Variants in NANP observed in about 807,000 individuals in gnomAD.
The protein encoded by NANP is N-acylneuraminate-9-phosphatase.
Under a neutral mutation model 16.9 loss-of-function variants are expected in NANP, and 15 were observed. That is an observed-to-expected ratio of 0.89 (90% CI 0.59 to 1.37). NANP has a LOEUF of 1.37. Ranked by LOEUF, NANP falls within the 40% of genes most tolerant of loss-of-function variation. NANP has a pLI of 0.00. For missense variants in NANP, 290 were observed against 303.5 expected, an observed-to-expected ratio of 0.96 and a Z score of 0.33; for synonymous variants, 135 against 112.6, an observed-to-expected ratio of 1.20 and a Z score of -1.26.
Position 25,616,522 on chromosome 20 carries a change from A to G in NANP, c.150T>C (p.Asp50=). 1 of 1,612,032 alleles carries G rather than the reference A, an allele frequency of 6.2e-7. No homozygotes were observed. The highest frequency in any genetic ancestry group is 1.1e-5 in the South Asian group (1 of 90,726). Residue 50 remains aspartate (D), a synonymous_variant, in exon 2 of 2, where the codon GAT becomes GAC. Coordinates refer to ENST00000304788, the MANE Select transcript of NANP (RefSeq NM_152667.3). The part of the protein sequence containing the change: ...HYKEEAEIIC[D]KVQVKLSKEC... The stretch of plus-strand genomic sequence containing the variant: ...CCTTGCTGAGTTTAACTTGAACTTT[A>G]TCACAGATGATTTCAGCCTCTTCTT...
In NANP at chr20:25,616,813, T is replaced by G. The variant is rs553628626; in HGVS notation, c.91-232A>C. ...ATTTTTTAAAGCCAACTTCTTCATATATAGCTAGTAACAATCCTTTGTTTG... is the reference window on the plus strand; with the variant it reads ...ATTTTTTAAAGCCAACTTCTTCATAGATAGCTAGTAACAATCCTTTGTTTG... On this transcript the variant is annotated intron_variant, in intron 1 of 1. Coordinates refer to ENST00000304788, the MANE Select transcript of NANP (RefSeq NM_152667.3). Among the ~76,000 whole-genome samples the G allele has an allele frequency of 3.0e-4, 46 of 152,342 alleles. No homozygotes were observed. In the South Asian group the frequency reaches 7.2e-3, roughly 24 times the overall value.
chr20:25,623,609 G>T (rs1222743152), intron 1 of NANP, among the ~76,000 whole-genome samples: 1 of 152,216 alleles, frequency 6.6e-6, no homozygotes, highest in Non-Finnish European at 1.5e-5. Context: ...CGTCCCGAGC[G>T]CCAAGGCACC....
rs768912865 is a variant in NANP, at chr20:25,616,340, G to A, written c.332C>T (p.Ala111Val). ...AGTAAGCATGGCTTTGACGTCTTCT[G>A]CTAGTGTCATATGCTGTAAACGTGT... ...KSTRLQHMTL[A>V]EDVKAMLTEL... Residue 111 changes from alanine to valine, a missense_variant, in exon 2 of 2, where the codon GCA becomes GTA. Physicochemically the swap from Ala to Val is moderately conservative, Grantham distance 64. Coordinates refer to ENST00000304788, the MANE Select transcript of NANP (RefSeq NM_152667.3). 6.2e-7 allele frequency: 1 copy of A among 1,614,132 alleles called. No individual in the cohort carries two copies. The highest frequency in any genetic ancestry group is 1.1e-5 in the South Asian group (1 of 91,080).
At chr20:25,619,792 C>T (rs573208317) in intron 1 of NANP, among the ~76,000 whole-genome samples, 5 of 152,278 alleles carry the variant, frequency 3.3e-5, no homozygotes, top group Middle Eastern at 3.4e-3. Context: ...CGCTTAGATA[C>T]GGGCTGGCTC....
At chr20:25,620,363 C>T (rs751731237) in intron 1 of NANP, among the ~76,000 whole-genome samples, 12 of 152,132 alleles carry the variant, frequency 7.9e-5, no homozygotes, top group African/African-American at 2.9e-4. Flanking sequence ...AAGGGCTATC[C>T]GTTAGTAGAT....
chr20:25,620,943 G>A (rs1177017566), intron 1 of NANP, among the ~76,000 whole-genome samples: 1 of 151,948 alleles, frequency 6.6e-6, no homozygotes, highest in Non-Finnish European at 1.5e-5. Context: ...TGTCCAGCCC[G>A]CCGCCAATGG....
intron 1 of NANP, among the ~76,000 whole-genome samples, chr20:25,617,746 A>AC (rs2065349392): frequency 6.6e-6 from 1 of 151,712 alleles, no homozygotes; most frequent in Non-Finnish European, 1.5e-5. Context: ...CGAACTCTTG[A>AC]CCCCAAGTGA....
chr20:25,616,538 GC>G lies in NANP; in HGVS notation c.133del (p.Ala45LeufsTer27). The G allele has an allele frequency of 6.2e-7, 1 of 1,607,870 alleles. No homozygotes were observed. Among genetic ancestry groups the G allele is most frequent in the Non-Finnish European group, 8.5e-7 (1 of 1,177,794 alleles). On this transcript the variant is annotated frameshift_variant, in exon 2 of 2. Coordinates refer to ENST00000304788, the MANE Select transcript of NANP (RefSeq NM_152667.3). LOFTEE classifies it high-confidence loss of function. ...LQSKYHYKEE[A>X]EIICDKVQVK... is the part of the protein sequence containing the mutation. Reference sequence around the variant, plus strand: ...TTGAACTTTATCACAGATGATTTCAGCCTCTTCTTTATAATGGTATTTTGAT... The same window carrying G: ...TTGAACTTTATCACAGATGATTTCAGCTCTTCTTTATAATGGTATTTTGAT...
chr20:25,618,347 T>C (rs899291688), intron 1 of NANP, among the ~76,000 whole-genome samples: 1 of 151,924 alleles, frequency 6.6e-6, no homozygotes, highest in Non-Finnish European at 1.5e-5. Flanking sequence ...AGAAAATCAT[T>C]CCAGACAGAG....
At chr20:25,619,873 C>G (rs368858373) in intron 1 of NANP, among the ~76,000 whole-genome samples, 7 of 152,176 alleles carry the variant, frequency 4.6e-5, no homozygotes, top group African/African-American at 1.7e-4. Flanking sequence ...GTTACTTCAA[C>G]TGGCACTTCA....
intron 1 of NANP, among the ~76,000 whole-genome samples, chr20:25,622,085 T>C (rs2065366681): frequency 6.6e-6 from 1 of 152,220 alleles, no homozygotes; most frequent in African/African-American, 2.4e-5. Flanking sequence ...AAGAAATATC[T>C]GAACAAAATA....
In NANP at chr20:25,623,900, G is replaced by C. The variant is rs182908643; in HGVS notation, c.49C>G (p.Leu17Val). The C allele has an allele frequency of 6.2e-7, 1 of 1,613,472 alleles. No homozygotes were observed. The highest frequency in any genetic ancestry group is 8.5e-7 in the Non-Finnish European group (1 of 1,179,744). Residue 17 changes from leucine to valine, a missense_variant, in exon 1 of 2, where the codon CTC (leucine) becomes GTC (valine). Coordinates refer to ENST00000304788, the MANE Select transcript of NANP (RefSeq NM_152667.3). ...CTGCTCGCCCCGGCCGTGTCGATGA[G>C]AGTGTTGTCCAAGTCAAAGAAAACC... The part of the protein sequence containing the change: ...RAVFFDLDNT[L>V]IDTAGASRRG...
intron 1 of NANP, among the ~76,000 whole-genome samples, chr20:25,623,394 CCTT>C (rs1215640403): frequency 1.3e-5 from 2 of 152,216 alleles, no homozygotes; most frequent in East Asian, 3.9e-4. Context: ...CAGCCGTGTC[CCTT>C]CTTGGGTCAA....
At position 25,616,369 on chromosome 20, in the gene NANP, T is replaced by G; in HGVS notation, c.303A>C (p.Lys101Asn). ...KLAEECYFLWKSTRLQHMTLA... is the reference protein window; with the variant it reads ...KLAEECYFLWNSTRLQHMTLA... ...GTGTCATATGCTGTAAACGTGTAGA[T>G]TTCCAAAGGAAATAACATTCTTCAG... is the stretch of plus-strand genomic sequence containing the variant. Residue 101 changes from lysine (K) to asparagine (N), a missense_variant, in exon 2 of 2, where the codon AAA becomes AAC. By Grantham distance (94) the Lys-to-Asn change is moderately conservative. Coordinates refer to ENST00000304788, the MANE Select transcript of NANP (RefSeq NM_152667.3). 3.1e-6 allele frequency: 5 copies of G among 1,614,176 alleles called. No individual in the cohort carries two copies. Among genetic ancestry groups the G allele is most frequent in the Non-Finnish European group, 4.2e-6 (5 of 1,180,030 alleles).
chr20:25,621,680 C>T (rs780645406), intron 1 of NANP, among the ~76,000 whole-genome samples: 1 of 152,156 alleles, frequency 6.6e-6, no homozygotes, highest in Non-Finnish European at 1.5e-5. Context: ...TCAGCCTCCC[C>T]AGTAGCTGGG....
At chr20:25,620,222 G>T (rs2065359100) in intron 1 of NANP, among the ~76,000 whole-genome samples, 1 of 152,158 alleles carries the variant, frequency 6.6e-6, no homozygotes, top group African/African-American at 2.4e-5. Flanking sequence ...GGAGGTGAAG[G>T]AAAAAGCTCT....
At chr20:25,617,342 G>A (rs907214414) in intron 1 of NANP, among the ~76,000 whole-genome samples, 4 of 152,168 alleles carry the variant, frequency 2.6e-5, no homozygotes, top group African/African-American at 9.6e-5. Context: ...CTCCCAAGTA[G>A]CTGGGATTAC....
At chr20:25,619,684 A>G (rs1225315305) in intron 1 of NANP, among the ~76,000 whole-genome samples, 1 of 152,144 alleles carries the variant, frequency 6.6e-6, no homozygotes, top group African/African-American at 2.4e-5. Context: ...AGCAACATCA[A>G]TTGAAGGACT....
chr20:25,617,798 T>A (rs973593633), intron 1 of NANP, among the ~76,000 whole-genome samples: 1 of 152,184 alleles, frequency 6.6e-6, no homozygotes, highest in Non-Finnish European at 1.5e-5. Context: ...ATTATAGGCA[T>A]GAGCCACTGC....
Sources: allele counts gnomAD v4.1 joint callset (sites outside exome capture counted in the v4.1 genomes callset), GRCh38; gene constraint gnomAD v4.1.1; transcripts MANE v1.5; gene names NCBI Gene and HGNC (gene_info 2026-07-23, HGNC 2026-07-21).